DAB1: variants seen among roughly 807,000 people sequenced by gnomAD.
DAB1 encodes DAB adaptor protein 1, also known as disabled homolog 1.
In DAB1, 15 loss-of-function variants were observed where a neutral mutation model predicts 64.6. That is an observed-to-expected ratio of 0.23 (90% CI 0.16 to 0.36). DAB1 has a LOEUF of 0.36. DAB1 is among the 10% of genes least tolerant of loss of function. The pLI is 1.00. For missense variants in DAB1, 596 were observed against 706.7 expected, an observed-to-expected ratio of 0.84 and a Z score of 1.78; for synonymous variants, 235 against 251.9, an observed-to-expected ratio of 0.93 and a Z score of 0.64.
chr1:57,707,943 T>C (rs1319501913), intron 6 of DAB1, among the ~76,000 whole-genome samples: 1 of 151,992 alleles, frequency 6.6e-6, no homozygotes, highest in Non-Finnish European at 1.5e-5. Flanking sequence ...GCAAAGTTAC[T>C]CTCTTTCCAC....
rs1219655257 is a variant in DAB1 at position 57,951,334 on chromosome 1, T to TATATATATATATATATC, written n.388-67173_388-67172insGATATATATATATATAT. 7.5e-3 allele frequency among the ~76,000 whole-genome samples: 481 copies of TATATATATATATATATC among 63,848 alleles called. 57 individuals are homozygous for TATATATATATATATATC. The highest frequency in any genetic ancestry group is 0.02 in the African/African-American group (346 of 17,654). The allele number at this position is 63,848 out of a possible 152,430, so 41.9% of individuals were successfully genotyped here. A position where few individuals can be genotyped will look rare whatever the true frequency, so the allele number is the denominator to read the frequency against. ...GCCTGATTCATATATATATATATAC[T>TATATATATATATATATC]TCCCTGGAAACTTAAATTAGCCCAA... On this transcript the variant is annotated intron_variant and non_coding_transcript_variant, in intron 5 of 20. Coordinates refer to the DAB1 transcript ENST00000485760.
At position 57,895,206 on chromosome 1, in the gene DAB1, G is replaced by A. The variant is rs571639082; in HGVS notation, n.388-11044C>T. On this transcript the variant is annotated intron_variant and non_coding_transcript_variant, in intron 5 of 20. Transcript: ENST00000485760. ...TAACAATGGCCAACACTTATGTAGC[G>A]CGTGTGTGCCAAACCCTGTTGTCCA... Among the ~76,000 whole-genome samples, 27 of 152,190 alleles carry A rather than the reference G, an allele frequency of 1.8e-4. No homozygotes were observed. In the South Asian group the frequency reaches 2.7e-3, roughly 15 times the overall value.
intron 9 of DAB1, among the ~76,000 whole-genome samples, chr1:57,058,457 A>C (rs1027842170): frequency 2.6e-5 from 4 of 152,176 alleles, no homozygotes; most frequent in African/African-American, 9.7e-5. Flanking sequence ...TTATTCATTC[A>C]TTTACCACTT....
chr1:58,464,747 A>G (rs1645277645), intron 3 of DAB1, among the ~76,000 whole-genome samples: 1 of 152,250 alleles, frequency 6.6e-6, no homozygotes, highest in Non-Finnish European at 1.5e-5. Flanking sequence ...GGGCTTGCTC[A>G]GGCAGGCTTC....
intron 1 of DAB1, among the ~76,000 whole-genome samples, chr1:57,344,041 A>G (rs1212934613): frequency 6.6e-6 from 1 of 152,224 alleles, no homozygotes; most frequent in African/African-American, 2.4e-5. Flanking sequence ...ATATCATTTT[A>G]TCCTCACCAG....
intron 5 of DAB1, among the ~76,000 whole-genome samples, chr1:58,009,311 T>C (rs938157502): frequency 6.6e-6 from 1 of 152,134 alleles, no homozygotes; most frequent in African/African-American, 2.4e-5. Context: ...CAGTGAGTGG[T>C]TAATCTCTAC....
intron 2 of DAB1, among the ~76,000 whole-genome samples, chr1:57,272,143 C>G (rs1421759142): frequency 1.3e-5 from 2 of 149,424 alleles, no homozygotes; most frequent in African/African-American, 5.1e-5. Flanking sequence ...TCAGGAGAGC[C>G]AGCTTTCCAG....
At chr1:58,438,699 G>C (rs1328684237) in intron 3 of DAB1, among the ~76,000 whole-genome samples, 2 of 152,194 alleles carry the variant, frequency 1.3e-5, no homozygotes, top group African/African-American at 4.8e-5. Flanking sequence ...TGCTCCTCAG[G>C]TGTCCAGTGC....
At chr1:57,930,379 T>C (rs1291594474) in intron 5 of DAB1, among the ~76,000 whole-genome samples, 1 of 152,216 alleles carries the variant, frequency 6.6e-6, no homozygotes, top group East Asian at 1.9e-4. Flanking sequence ...TGCCTCACCA[T>C]ATAAATGTTA....
At chr1:57,475,937 A>T (rs1643930177) in intron 7 of DAB1, among the ~76,000 whole-genome samples, 1 of 152,194 alleles carries the variant, frequency 6.6e-6, no homozygotes, top group South Asian at 2.1e-4. Flanking sequence ...TACAAACAGT[A>T]TGCTCGGCCA....
At chr1:57,229,261 G>A (rs755159929) in intron 2 of DAB1, among the ~76,000 whole-genome samples, 4 of 148,214 alleles carry the variant, frequency 2.7e-5, no homozygotes, top group African/African-American at 5.0e-5. Flanking sequence ...TGATATGATC[G>A]TGGCTCACTG....
chr1:57,114,120 A>G (rs1272502971), intron 4 of DAB1, among the ~76,000 whole-genome samples: 1 of 152,164 alleles, frequency 6.6e-6, no homozygotes, highest in Non-Finnish European at 1.5e-5. Flanking sequence ...ACTGGGGATC[A>G]CTCACTATGT....
chr1:58,266,538 A>C (rs1387429209), intron 4 of DAB1, among the ~76,000 whole-genome samples: 2 of 152,188 alleles, frequency 1.3e-5, no homozygotes, highest in African/African-American at 2.4e-5. Context: ...TTTCTCATTC[A>C]TAAAGTAAAG....
intron 5 of DAB1, among the ~76,000 whole-genome samples, chr1:58,038,195 A>G (rs1366357965): frequency 6.6e-6 from 1 of 152,230 alleles, no homozygotes; most frequent in African/African-American, 2.4e-5. Flanking sequence ...GTAAAAGTAT[A>G]GGAGACAATT....
At chr1:57,801,272 T>C (rs566742531) in intron 6 of DAB1, among the ~76,000 whole-genome samples, 13 of 152,346 alleles carry the variant, frequency 8.5e-5, no homozygotes, top group South Asian at 2.1e-4. Context: ...AAGTTACTTG[T>C]CTTATCTGGA....
intron 4 of DAB1, among the ~76,000 whole-genome samples, chr1:57,123,450 T>A (rs1656846106): frequency 6.6e-6 from 1 of 152,074 alleles, no homozygotes; most frequent in Admixed American, 6.6e-5. Flanking sequence ...ATAAGTTAAT[T>A]TTTTTTAAAT....
chr1:58,045,564 C>T (rs534111865), intron 5 of DAB1, among the ~76,000 whole-genome samples: 8 of 152,316 alleles, frequency 5.3e-5, no homozygotes, highest in African/African-American at 1.9e-4. Context: ...AAGCCTTCGA[C>T]AGTAGATGAA....
At chr1:57,406,013 C>T (rs1337037223) in intron 1 of DAB1, among the ~76,000 whole-genome samples, 1 of 152,168 alleles carries the variant, frequency 6.6e-6, no homozygotes, top group East Asian at 1.9e-4. Context: ...TGCCTCATTT[C>T]CCCTGGTTCC....
chr1:57,080,735 AACAC>A (rs568921240), intron 4 of DAB1, among the ~76,000 whole-genome samples: 15 of 141,958 alleles, frequency 1.1e-4, no homozygotes, highest in Non-Finnish European at 2.1e-4. Flanking sequence ...GAGAAGTTAC[AACAC>A]ACACACACAC....
Sources: allele counts gnomAD v4.1 joint callset (sites outside exome capture counted in the v4.1 genomes callset), GRCh38; gene constraint gnomAD v4.1.1; transcripts MANE v1.5; gene names NCBI Gene and HGNC (gene_info 2026-07-23, HGNC 2026-07-21).